SYT14: variants seen among roughly 807,000 people sequenced by gnomAD.
The protein encoded by SYT14 is synaptotagmin-14.
In SYT14, 32 loss-of-function variants were observed where a neutral mutation model predicts 74.2. That is an observed-to-expected ratio of 0.43 (90% CI 0.33 to 0.58). The LOEUF (loss-of-function observed/expected upper bound fraction) is 0.58, where lower values mean the gene tolerates loss of function less well. SYT14 is among the 20% of genes least tolerant of loss of function. The probability of loss-of-function intolerance (pLI) is 0.05; values close to 1 mark genes in which losing one functional copy is unlikely to be tolerated. For synonymous variants in SYT14, 298 were observed against 337.7 expected, an observed-to-expected ratio of 0.88 and a Z score of 1.29; for missense variants, 791 against 981.8, an observed-to-expected ratio of 0.81 and a Z score of 2.60.
At chr1:210,084,658 C>T (rs2081685545) in intron 5 of SYT14, among the ~76,000 whole-genome samples, 1 of 152,202 alleles carries the variant, frequency 6.6e-6, no homozygotes, top group African/African-American at 2.4e-5. Context: ...TATTCCTGTC[C>T]TTGCCAGGTG....
At chr1:209,986,830 G>A (rs2079579127) in intron 2 of SYT14, among the ~76,000 whole-genome samples, 2 of 151,844 alleles carry the variant, frequency 1.3e-5, no homozygotes, top group African/African-American at 4.8e-5. Context: ...CACCATATTG[G>A]TCAGGCTGGT....
intron 5 of SYT14, among the ~76,000 whole-genome samples, chr1:210,078,925 T>C (rs2081566037): frequency 1.3e-5 from 2 of 151,872 alleles, no homozygotes; most frequent in Non-Finnish European, 2.9e-5. Flanking sequence ...TTTTTTTTTT[T>C]CAATCTTTTT....
chr1:210,045,612 A>G (rs1182071832), intron 5 of SYT14, among the ~76,000 whole-genome samples: 1 of 152,218 alleles, frequency 6.6e-6, no homozygotes, highest in African/African-American at 2.4e-5. Flanking sequence ...TTACATTAAT[A>G]AATAAGGACT....
At chr1:209,947,256 G>A (rs1466289176) in intron 1 of SYT14, among the ~76,000 whole-genome samples, 1 of 152,156 alleles carries the variant, frequency 6.6e-6, no homozygotes, top group East Asian at 1.9e-4. Flanking sequence ...GAAATATATT[G>A]TGTAAGGCTG....
chr1:210,069,991 A>G (rs2081363925), intron 5 of SYT14, among the ~76,000 whole-genome samples: 1 of 152,116 alleles, frequency 6.6e-6, no homozygotes, highest in Non-Finnish European at 1.5e-5. Context: ...CATTATTCAC[A>G]TTAAAGTTGA....
chr1:210,000,422 T>C (rs939728712), intron 2 of SYT14, among the ~76,000 whole-genome samples: 5 of 150,898 alleles, frequency 3.3e-5, no homozygotes, highest in African/African-American at 1.2e-4. Flanking sequence ...TTTATTAGAC[T>C]TGCCAAAGTA....
chr1:209,953,763 G>A (rs1057311101), intron 2 of SYT14, among the ~76,000 whole-genome samples: 1 of 152,122 alleles, frequency 6.6e-6, no homozygotes, highest in Non-Finnish European at 1.5e-5. Flanking sequence ...GCATACAATT[G>A]CTGTTCATTT....
chr1:209,970,069 T>A (rs538429087), intron 2 of SYT14, among the ~76,000 whole-genome samples: 2 of 152,326 alleles, frequency 1.3e-5, no homozygotes, highest in African/African-American at 4.8e-5. Flanking sequence ...TTTTAGTTGA[T>A]GTAGTCCCAT....
chr1:210,004,901 T>C (rs1306441937), intron 2 of SYT14, among the ~76,000 whole-genome samples: 1 of 152,002 alleles, frequency 6.6e-6, no homozygotes, highest in Non-Finnish European at 1.5e-5. Context: ...ATTTTGCAAA[T>C]GGAGCTACAC....
intron 2 of SYT14, among the ~76,000 whole-genome samples, chr1:209,983,038 A>G (rs564957657): frequency 6.8e-6 from 1 of 147,926 alleles, no homozygotes; most frequent in African/African-American, 2.5e-5. Context: ...TTTATTCATC[A>G]GGCTGTTTTT....
chr1:210,018,978 A>T (rs772648086), intron 4 of SYT14, among the ~76,000 whole-genome samples: 1 of 152,016 alleles, frequency 6.6e-6, no homozygotes, highest in Non-Finnish European at 1.5e-5. Context: ...TCTACTAAAA[A>T]TACAAAAATT....
chr1:210,032,749 A>G (rs796398776), intron 5 of SYT14, among the ~76,000 whole-genome samples: 1 of 144,654 alleles, frequency 6.9e-6, no homozygotes, highest in African/African-American at 2.6e-5. Flanking sequence ...CTGTTTTTTT[A>G]TTTAAATACT....
intron 2 of SYT14, among the ~76,000 whole-genome samples, chr1:209,977,334 T>C (rs1438481563): frequency 1.3e-5 from 2 of 152,210 alleles, no homozygotes; most frequent in East Asian, 3.8e-4. Flanking sequence ...GTTTTTGCAG[T>C]GGCTGGTACT....
Position 209,979,147 on chromosome 1 carries a change from G to A in SYT14, c.-486+26391G>A, listed in dbSNP as rs551834727. ...GAAAGGGAATTCCCTGACCCCTTGC[G>A]CTTCCTGGGTGAGGCGATGCCTCGC... On this transcript the variant is annotated intron_variant, in intron 2 of 9. Coordinates refer to ENST00000637265, the Ensembl canonical transcript of SYT14. Among the ~76,000 whole-genome samples, 23 of 152,298 alleles carry A rather than the reference G, an allele frequency of 1.5e-4. No homozygotes were observed. The East Asian group carries it at 1.5e-3, about 10-fold the overall frequency.
intron 7 of SYT14, among the ~76,000 whole-genome samples, chr1:210,155,210 T>C (rs1025504597): frequency 3.3e-5 from 5 of 152,262 alleles, no homozygotes; most frequent in African/African-American, 1.2e-4. Flanking sequence ...CTGATACTAA[T>C]GTAACTACAT....
chr1:210,019,131 CAAAAAA>C (rs1215149823), intron 4 of SYT14, among the ~76,000 whole-genome samples: 634 of 56,668 alleles, frequency 0.011, 5 homozygotes, highest in African/African-American at 0.041. Context: ...TGAGACTCCT[CAAAAAA>C]AAAAAAAAAA....
intron 5 of SYT14, among the ~76,000 whole-genome samples, chr1:210,043,679 A>G (rs961403254): frequency 2.6e-5 from 4 of 152,196 alleles, no homozygotes; most frequent in African/African-American, 9.6e-5. Context: ...CAACAAACAT[A>G]GTATGAGAAA....
chr1:209,952,968 G>A, intron 2 of SYT14: 11 of 1,303,520 alleles, frequency 8.4e-6, no homozygotes, highest in Non-Finnish European at 1.2e-5. Context: ...GTTTTGATGG[G>A]CTAATAAAGC....
intron 5 of SYT14, among the ~76,000 whole-genome samples, chr1:210,083,125 C>T (rs868249815): frequency 6.6e-6 from 1 of 151,868 alleles, no homozygotes; most frequent in Non-Finnish European, 1.5e-5. Context: ...GGATTGTAGG[C>T]ATGTGCCACC....
Sources: gnomAD v4.1 joint callset for allele counts (sites outside exome capture counted in the v4.1 genomes callset) on GRCh38, gnomAD v4.1.1 for gene constraint, MANE v1.5 for transcripts, NCBI Gene and HGNC (gene_info 2026-07-23, HGNC 2026-07-21) for gene names.